TRIOBP: variants seen among roughly 807,000 people sequenced by gnomAD.
TRIOBP encodes TRIO and F-actin binding protein.
A neutral mutation model predicts 238.8 loss-of-function variants in TRIOBP; 169 were observed. The ratio of observed to expected loss-of-function variants is 0.71; its 90% CI spans 0.62 to 0.80. The LOEUF is 0.80. Ranked by LOEUF, TRIOBP falls within the 30% of genes least tolerant of loss-of-function variation. The pLI is 0.00. For synonymous variants in TRIOBP, 1,150 were observed against 1,274.4 expected, an observed-to-expected ratio of 0.90 and a Z score of 2.08; for missense variants, 2,838 against 3,122.6, an observed-to-expected ratio of 0.91 and a Z score of 2.17.
rs201544478 is a variant in TRIOBP at position 37,708,926 on chromosome 22, G to C, written c.115-1501G>C. Among the ~76,000 whole-genome samples the C allele has an allele frequency of 3.7e-4, 56 of 152,314 alleles. No individual in the cohort carries two copies. The East Asian group carries it at 0.01, about 28-fold the overall frequency. ...GCTGGGGTGAAAGCCAGGATGAGGT[G>C]TCACATTAGGCTAGGGTTCCTGCTG... On this transcript the variant is annotated intron_variant, in intron 3 of 23. Transcript: ENST00000644935.
chr22:37,716,415 G>GTTA (rs201450875), intron 6 of TRIOBP, among the ~76,000 whole-genome samples: 6 of 151,440 alleles, frequency 4.0e-5, no homozygotes, highest in Non-Finnish European at 5.9e-5. Flanking sequence ...CGCCTAGCCT[G>GTTA]TTATTATTAT....
chr22:37,718,851 T>G (rs1212673129), intron 6 of TRIOBP, among the ~76,000 whole-genome samples: 4 of 145,842 alleles, frequency 2.7e-5, no homozygotes, highest in South Asian at 2.3e-4. Flanking sequence ...TTGTTTTTTT[T>G]TTTTTTTTTT....
At chr22:37,730,233 G>A (rs1924358061) in intron 7 of TRIOBP, among the ~76,000 whole-genome samples, 1 of 152,114 alleles carries the variant, frequency 6.6e-6, no homozygotes. Context: ...TGTCATGCTT[G>A]GTGCGGCCAC....
rs1569040319 is a variant in TRIOBP, at chr22:37,723,616, C to G, written c.1060C>G (p.Pro354Ala). ...SPSRSTQLDN[P>A]RTSSTQQDNP... ...CTCACGAAGCACCCAACTGGATAACCCCAGAACCTCTTCTACCCAGCAGGA... is the reference window on the plus strand; with the variant it reads ...CTCACGAAGCACCCAACTGGATAACGCCAGAACCTCTTCTACCCAGCAGGA... Residue 354 changes from proline to alanine, a missense_variant, in exon 7 of 24, where the codon CCC (proline) becomes GCC (alanine). Physicochemically the swap from Pro to Ala is conservative, Grantham distance 27. Coordinates refer to ENST00000644935, the MANE Select transcript of TRIOBP (RefSeq NM_001039141.3). 1 of 1,614,126 alleles carries G rather than the reference C, an allele frequency of 6.2e-7. No individual in the cohort carries two copies. Among genetic ancestry groups the G allele is most frequent in the Admixed American group, 1.7e-5 (1 of 60,022 alleles).
At chr22:37,697,223 A>ATGTG (rs780564787) in intron 1 of TRIOBP, 134 bp downstream of exon 1, 1 of 152,178 alleles carries the variant, frequency 6.6e-6, no homozygotes, top group African/African-American at 2.4e-5. Flanking sequence ...TGGGTGGGGC[A>ATGTG]TGTGTAGCTG....
intron 3 of TRIOBP, among the ~76,000 whole-genome samples, chr22:37,706,275 G>A (rs1228634080): frequency 6.6e-6 from 1 of 152,124 alleles, no homozygotes; most frequent in African/African-American, 2.4e-5. Flanking sequence ...CTCAGAGCCA[G>A]ACCATCACAG....
chr22:37,725,664 C>T lies in TRIOBP; in HGVS notation c.3108C>T (p.Asp1036=). The change falls in exon 7 of 24, where the codon GAC becomes GAT. Residue 1036 remains aspartate, a synonymous_variant. Coordinates refer to ENST00000644935, the MANE Select transcript of TRIOBP (RefSeq NM_001039141.3). ...CGCCCCCTCGCTATTTGCAGCACGA[C>T]CCCTTCCCCTTCTTCCCAGAGCCCC... ...ASSPPRYLQH[D]PFPFFPEPRA... 1 of 1,612,294 alleles carries T rather than the reference C, an allele frequency of 6.2e-7. No individual in the cohort carries two copies. The highest frequency in any genetic ancestry group is 8.5e-7 in the Non-Finnish European group (1 of 1,179,494).
At chr22:37,706,329 G>A (rs1922943860) in intron 3 of TRIOBP, among the ~76,000 whole-genome samples, 1 of 152,120 alleles carries the variant, frequency 6.6e-6, no homozygotes, top group Non-Finnish European at 1.5e-5. Context: ...ACTGACCAAA[G>A]TCTTGCTCAC....
intron 23 of TRIOBP, among the ~76,000 whole-genome samples, chr22:37,773,125 G>C (rs928594297): frequency 6.6e-6 from 1 of 152,142 alleles, no homozygotes; most frequent in South Asian, 2.1e-4. Context: ...CTGAGGCCGG[G>C]CTTCTATCCC....
Position 37,768,168 on chromosome 22 carries a change from G to A in TRIOBP, c.6567G>A (p.Lys2189=). The A allele has an allele frequency of 6.2e-7, 1 of 1,611,960 alleles. No homozygotes were observed. The highest frequency in any genetic ancestry group is 8.5e-7 in the Non-Finnish European group (1 of 1,179,032). ...AGCAGGGCCCGGATGGCCTCCGGAAGCAGCACCAGTAAGATGATGCCGGGG... is the reference window on the plus strand; with the variant it reads ...AGCAGGGCCCGGATGGCCTCCGGAAACAGCACCAGTAAGATGATGCCGGGG... ...SLQQGPDGLR[K]QHQSDVEALK... is the part of the protein sequence containing the mutation. Residue 2189 remains lysine, a synonymous_variant, in exon 19 of 24, where the codon AAG becomes AAA. Transcript: ENST00000644935.
At chr22:37,755,228 G>T (rs543592830) in intron 14 of TRIOBP, 38 bp downstream of exon 14, 3 of 1,590,962 alleles carry the variant, frequency 1.9e-6, no homozygotes. Flanking sequence ...GTGGTGGGCA[G>T]CATGGCTGGA....
intron 4 of TRIOBP, among the ~76,000 whole-genome samples, chr22:37,711,093 G>T (rs943991027): frequency 1.3e-5 from 2 of 152,214 alleles, no homozygotes; most frequent in African/African-American, 4.8e-5. Flanking sequence ...TACCTTGGGA[G>T]GCCATGGTCT....
At chr22:37,717,206 T>C (rs2145825813) in intron 6 of TRIOBP, among the ~76,000 whole-genome samples, 1 of 152,272 alleles carries the variant, frequency 6.6e-6, no homozygotes, top group East Asian at 1.9e-4. Context: ...AGTTGTTCTT[T>C]CCTCCCTGTG....
chr22:37,773,682 G>C (rs2145886926), intron 23 of TRIOBP, 101 bp from the exon 24 acceptor site: 1 of 152,538 alleles, frequency 6.6e-6, no homozygotes, highest in East Asian at 1.9e-4. Flanking sequence ...CTTAGGGGCT[G>C]AGAGGTGGTG....
rs965789668 is a variant in TRIOBP, at chr22:37,735,175, G to A, written c.4839G>A (p.Leu1613=). 2.5e-6 allele frequency: 4 copies of A among 1,609,822 alleles called. No individual in the cohort carries two copies. In the African/African-American group the frequency reaches 5.3e-5, roughly 22 times the overall value. ...DDLARALGPE[L]GPPGTNDVPE... ...TGGCCAGGGCTTTAGGGCCAGAGCT[G>A]GGTCCCCCAGGCACAAACGATGTCC... Residue 1613 remains leucine (L), a synonymous_variant, in exon 9 of 24, where the codon CTG becomes CTA. Coordinates refer to ENST00000644935, the MANE Select transcript of TRIOBP (RefSeq NM_001039141.3).
intron 17 of TRIOBP, among the ~76,000 whole-genome samples, chr22:37,763,715 G>A (rs1926350246): frequency 6.6e-6 from 1 of 152,192 alleles, no homozygotes. Flanking sequence ...TGCCACCCCA[G>A]GGTCCTGTCG....
intron 18 of TRIOBP, among the ~76,000 whole-genome samples, chr22:37,767,076 C>A (rs1429487555): frequency 6.6e-6 from 1 of 152,018 alleles, no homozygotes; most frequent in Non-Finnish European, 1.5e-5. Flanking sequence ...GATGGTGAAA[C>A]CCTGTCTCTA....
chr22:37,700,020 A>T (rs1483767423), intron 2 of TRIOBP, among the ~76,000 whole-genome samples: 1 of 151,942 alleles, frequency 6.6e-6, no homozygotes, highest in Non-Finnish European at 1.5e-5. Flanking sequence ...CTGGGACTAC[A>T]GGTGCGTGCT....
chr22:37,722,084 G>T (rs1923858968), intron 6 of TRIOBP, among the ~76,000 whole-genome samples: 1 of 152,288 alleles, frequency 6.6e-6, no homozygotes, highest in East Asian at 1.9e-4. Flanking sequence ...TGGGACCTGA[G>T]ATTCTGCATT....
Sources: allele counts gnomAD v4.1 joint callset (sites outside exome capture counted in the v4.1 genomes callset), GRCh38; gene constraint gnomAD v4.1.1; transcripts MANE v1.5; gene names NCBI Gene and HGNC (gene_info 2026-07-23, HGNC 2026-07-21).